Variants in B3GAT2 observed in about 807,000 individuals in gnomAD.
B3GAT2 encodes galactosylgalactosylxylosylprotein 3-beta-glucuronosyltransferase 2.
B3GAT2 carries 26 observed loss-of-function variants against 27.8 expected under a neutral mutation model. The observed-to-expected ratio is 0.93, with a 90% CI of 0.68 to 1.30. B3GAT2 has a LOEUF of 1.30. Among genes scored for constraint, B3GAT2 ranks in the 50% most tolerant of loss-of-function variants. The pLI is 0.00. For missense variants in B3GAT2, 458 were observed against 459.0 expected (o/e 1.00, Z 0.02); for synonymous variants, 218 against 195.1 (o/e 1.12, Z -0.98).
intron 1 of B3GAT2, among the ~76,000 whole-genome samples, chr6:70,919,055 T>C (rs560901613): frequency 6.6e-6 from 1 of 152,344 alleles, no homozygotes; most frequent in East Asian, 1.9e-4. Flanking sequence ...ATTTGGTCTT[T>C]TCACATAGTC....
chr6:70,897,838 G>A (rs954355814), intron 1 of B3GAT2, among the ~76,000 whole-genome samples: 2 of 151,874 alleles, frequency 1.3e-5, no homozygotes, highest in South Asian at 2.1e-4. Context: ...TTTTGTATAT[G>A]GATAACTAAT....
rs951857604 is a variant in B3GAT2 at position 70,913,613 on chromosome 6, T to C, written c.592-19341A>G. On this transcript the variant is annotated intron_variant, in intron 1 of 3. Coordinates refer to ENST00000230053, the MANE Select transcript of B3GAT2 (RefSeq NM_080742.3). ...TTTTAATTTGCTAAGAATTGACTTA[T>C]GGCCGATTGTGTGGTCGACTTTAGA... Among the ~76,000 whole-genome samples, 9 of 152,238 alleles carry C rather than the reference T, an allele frequency of 5.9e-5. No homozygotes were observed. In the East Asian group the frequency reaches 1.7e-3, roughly 29 times the overall value.
intron 2 of B3GAT2, 98 bp from the exon 3 acceptor site, chr6:70,862,076 T>G: frequency 5.4e-6 from 6 of 1,114,620 alleles, no homozygotes; most frequent in Non-Finnish European, 7.5e-6. Context: ...GTTTTTAAAA[T>G]ACCTACTGTG....
intron 1 of B3GAT2, among the ~76,000 whole-genome samples, chr6:70,927,224 G>A (rs1772977676): frequency 6.6e-6 from 1 of 152,154 alleles, no homozygotes; most frequent in Admixed American, 6.6e-5. Context: ...GCAAAAATAG[G>A]CCAAATTGTA....
chr6:70,899,733 C>T (rs184480454), intron 1 of B3GAT2, among the ~76,000 whole-genome samples: 1 of 152,126 alleles, frequency 6.6e-6, no homozygotes, highest in African/African-American at 2.4e-5. Context: ...CAGCTATTTA[C>T]AGAACTTCTT....
At chr6:70,911,868 T>A (rs532072991) in intron 1 of B3GAT2, among the ~76,000 whole-genome samples, 2 of 152,298 alleles carry the variant, frequency 1.3e-5, no homozygotes, top group African/African-American at 4.8e-5. Context: ...TTTGCCTCTC[T>A]GGTTAGCTGT....
chr6:70,954,799 GA>G (rs1489966182), intron 1 of B3GAT2, among the ~76,000 whole-genome samples: 1 of 151,624 alleles, frequency 6.6e-6, no homozygotes, highest in African/African-American at 2.4e-5. Flanking sequence ...GTAGACAGAA[GA>G]AAACTGAGAA....
intron 1 of B3GAT2, among the ~76,000 whole-genome samples, chr6:70,936,444 A>G (rs1173765312): frequency 7.9e-5 from 12 of 151,896 alleles, no homozygotes; most frequent in Admixed American, 2.6e-4. Context: ...AATCAACAGA[A>G]AATACATTTT....
chr6:70,878,005 A>C (rs1422466697), intron 2 of B3GAT2, among the ~76,000 whole-genome samples: 1 of 152,076 alleles, frequency 6.6e-6, no homozygotes, highest in Non-Finnish European at 1.5e-5. Flanking sequence ...TTTAATTATC[A>C]TTATTATGTA....
chr6:70,919,904 C>T (rs1413293755), intron 1 of B3GAT2, among the ~76,000 whole-genome samples: 2 of 152,144 alleles, frequency 1.3e-5, no homozygotes, highest in Non-Finnish European at 2.9e-5. Context: ...CTTGAACGCC[C>T]CCGTGCTGGG....
At chr6:70,871,242 A>C in intron 2 of B3GAT2, among the ~76,000 whole-genome samples, 1 of 69,030 alleles carries the variant, frequency 1.4e-5, no homozygotes, top group African/African-American at 5.7e-5. Flanking sequence ...TTTCTTCGTG[A>C]TGTCTTTGGT....
At position 70,859,423 on chromosome 6, in the gene B3GAT2, A is replaced by C; in HGVS notation, c.*2240T>G. The C allele has an allele frequency of 6.5e-7, 1 of 1,528,614 alleles. No individual in the cohort carries two copies. Among genetic ancestry groups the C allele is most frequent in the Non-Finnish European group, 8.9e-7 (1 of 1,129,542 alleles). 94.7% of individuals were successfully genotyped at this position (1,528,614 alleles called of 1,614,324 possible). On this transcript the variant is annotated 3_prime_UTR_variant, in exon 4 of 4. Coordinates refer to ENST00000230053, the MANE Select transcript of B3GAT2 (RefSeq NM_080742.3). ...TTAAAATGTCCTTTAGTAGGTATGA[A>C]GACGTGATCTGCTTCTTCAGACACT... is the stretch of plus-strand genomic sequence containing the variant.
chr6:70,943,962 C>T (rs1424917695), intron 1 of B3GAT2, among the ~76,000 whole-genome samples: 4 of 152,140 alleles, frequency 2.6e-5, no homozygotes, highest in African/African-American at 9.7e-5. Flanking sequence ...GTTTTCACCA[C>T]ACACACAAAA....
At chr6:70,922,559 A>G (rs749127967) in intron 1 of B3GAT2, among the ~76,000 whole-genome samples, 7 of 152,116 alleles carry the variant, frequency 4.6e-5, no homozygotes, top group Non-Finnish European at 8.8e-5. Context: ...CAAAATTAGC[A>G]TTTTATATTA....
At chr6:70,894,884 T>G (rs1306338773) in intron 1 of B3GAT2, among the ~76,000 whole-genome samples, 1 of 152,254 alleles carries the variant, frequency 6.6e-6, no homozygotes. Flanking sequence ...TCGCTTGTCC[T>G]TGTTACACAC....
chr6:70,948,523 A>C (rs1765528573), intron 1 of B3GAT2, among the ~76,000 whole-genome samples: 1 of 151,868 alleles, frequency 6.6e-6, no homozygotes, highest in Non-Finnish European at 1.5e-5. Context: ...CCAACTTACA[A>C]GGGACGTGAA....
At chr6:70,932,976 T>C (rs1773084091) in intron 1 of B3GAT2, among the ~76,000 whole-genome samples, 1 of 152,044 alleles carries the variant, frequency 6.6e-6, no homozygotes, top group African/African-American at 2.4e-5. Context: ...TATTTAAAAA[T>C]TTTTGTAGAG....
At chr6:70,880,581 T>G (rs1213210068) in intron 2 of B3GAT2, among the ~76,000 whole-genome samples, 2 of 151,990 alleles carry the variant, frequency 1.3e-5, no homozygotes, top group African/African-American at 4.8e-5. Flanking sequence ...TCGAATCCCC[T>G]GGGCTCAAGT....
chr6:70,866,895 G>A (rs376108452), intron 2 of B3GAT2, among the ~76,000 whole-genome samples: 1 of 152,148 alleles, frequency 6.6e-6, no homozygotes, highest in Admixed American at 6.6e-5. Flanking sequence ...ACATTATCAC[G>A]ATAGTTAGAC....
Sources: allele counts gnomAD v4.1 joint callset (sites outside exome capture counted in the v4.1 genomes callset), GRCh38; gene constraint gnomAD v4.1.1; transcripts MANE v1.5; gene names NCBI Gene and HGNC (gene_info 2026-07-23, HGNC 2026-07-21).